KLC3: variants seen among roughly 807,000 people sequenced by gnomAD.
The protein encoded by KLC3 is kinesin light chain 3, also known as kinesin light chain 2.
A neutral mutation model predicts 62.9 loss-of-function variants in KLC3; 72 were observed. The ratio of observed to expected loss-of-function variants is 1.15; its 90% CI spans 0.95 to 1.39. The LOEUF is 1.39. Ranked by LOEUF, KLC3 falls within the 40% of genes most tolerant of loss-of-function variation. The pLI is 0.00. For synonymous variants in KLC3, 377 were observed against 300.5 expected (o/e 1.25, Z -2.63); for missense variants, 848 against 691.6 (o/e 1.23, Z -2.54).
chr19:45,348,103 C>T lies in KLC3; in HGVS notation c.722C>T (p.Ser241Leu), dbSNP rs143111353. The T allele has an allele frequency of 4.0e-4, 643 of 1,602,052 alleles. 15 individuals are homozygous for T. In the South Asian group the frequency reaches 6.1e-3, roughly 15 times the overall value. Reference sequence around the variant, plus strand: ...GCCTTGGAGGACCTGGAGCGCAGCTCGGGCCACTGCCACCCTGACGTGGCC... The same window carrying T: ...GCCTTGGAGGACCTGGAGCGCAGCTTGGGCCACTGCCACCCTGACGTGGCC... ...RQALEDLERS[S>L]GHCHPDVATM... The change falls in exon 5 of 13, where the codon TCG becomes TTG. Residue 241 changes from serine (S) to leucine (L), a missense_variant. Transcript: ENST00000391946.
At position 45,345,706 on chromosome 19, in the gene KLC3, G is replaced by C. The variant is rs1971474740; in HGVS notation, c.165G>C (p.Gln55His). The C allele has an allele frequency of 6.4e-7, 1 of 1,567,336 alleles. No individual in the cohort carries two copies. Among genetic ancestry groups the C allele is most frequent in the East Asian group, 2.4e-5 (1 of 42,544 alleles). ...AGHLAEALAG[Q>H]GPAAGLEMLE... ...ACCTGGCGGAGGCCCTGGCGGGACA[G>C]GGCCCGGCAGCCGGCTTGGAGATGC... The change falls in exon 2 of 13, where the codon CAG becomes CAC. Residue 55 changes from glutamine to histidine, a missense_variant. Gln to His is a conservative substitution (Grantham distance 24). Coordinates refer to ENST00000391946, the MANE Select transcript of KLC3 (RefSeq NM_177417.3).
In KLC3 at chr19:45,350,677, G is replaced by C. The variant is rs994103837; in HGVS notation, c.1309G>C (p.Glu437Gln). The C allele has an allele frequency of 6.2e-7, 1 of 1,613,774 alleles. No individual in the cohort carries two copies. The highest frequency in any genetic ancestry group is 1.3e-5 in the African/African-American group (1 of 74,894). The change falls in exon 11 of 13, where the codon GAG becomes CAG. Residue 437 changes from glutamate to glutamine, a missense_variant. Physicochemically the swap from Glu to Gln is conservative, Grantham distance 29. Transcript: ENST00000391946. ...CAGCAGCTCACTCTCCAAGATCCGT[G>C]AGTCTATCAGGCGAGGAAGTGAGAA... ...RRSSSLSKIR[E>Q]SIRRGSEKLV...
intron 8 of KLC3, chr19:45,350,036 C>T (rs1971644966): frequency 2.2e-6 from 1 of 459,064 alleles, no homozygotes; most frequent in Non-Finnish European, 3.9e-6. Context: ...GCCTGTCCTC[C>T]ATCCCCAGGG....
At chr19:45,341,186 T>TTG (rs113240301) in intron 1 of KLC3, among the ~76,000 whole-genome samples, 39,462 of 111,360 alleles carry the variant, frequency 0.35, 5,986 homozygotes, top group South Asian at 0.44. Context: ...CTGCCTGTGT[T>TTG]TGTGTGTGTG....
Position 45,350,671 on chromosome 19 carries a change from A to C in KLC3, c.1303A>C (p.Ile435Leu). The change falls in exon 11 of 13, where the codon ATC becomes CTC. Residue 435 changes from isoleucine to leucine, a missense_variant. Transcript: ENST00000391946. The stretch of plus-strand genomic sequence containing the variant: ...TCGCCGCAGCAGCTCACTCTCCAAG[A>C]TCCGTGAGTCTATCAGGCGAGGAAG... The part of the protein sequence containing the change: ...ALRRSSSLSK[I>L]RESIRRGSEK... The C allele has an allele frequency of 6.2e-7, 1 of 1,613,664 alleles. No individual in the cohort carries two copies. Among genetic ancestry groups the C allele is most frequent in the Non-Finnish European group, 8.5e-7 (1 of 1,179,874 alleles).
intron 1 of KLC3, among the ~76,000 whole-genome samples, chr19:45,341,554 G>GGTGTGTGT (rs773352088): frequency 0.026 from 3,686 of 144,044 alleles, 85 homozygotes; most frequent in Middle Eastern, 0.086. Context: ...TCTGCCTGTT[G>GGTGTGTGT]GTGTGTGTGT....
Position 45,350,753 on chromosome 19 carries a change from T to C in KLC3, c.1379+6T>C, listed in dbSNP as rs766373207. On this transcript the variant is annotated splice_donor_region_variant and intron_variant, in intron 11 of 12. Coordinates refer to ENST00000391946, the MANE Select transcript of KLC3 (RefSeq NM_177417.3). ...GCGGCGGCAGGAGCAGCCGGGTGAG[T>C]GTTGATCAGGTCGGCAAAGAGCCCT... is the stretch of plus-strand genomic sequence containing the variant. The C allele has an allele frequency of 6.2e-7, 1 of 1,607,046 alleles. No homozygotes were observed. The highest frequency in any genetic ancestry group is 8.5e-7 in the Non-Finnish European group (1 of 1,177,120).
At position 45,350,373 on chromosome 19, in the gene KLC3, A is replaced by G; in HGVS notation, c.1176A>G (p.Gln392=). 1 of 1,613,700 alleles carries G rather than the reference A, an allele frequency of 6.2e-7. No homozygotes were observed. Among genetic ancestry groups the G allele is most frequent in the Non-Finnish European group, 8.5e-7 (1 of 1,179,944 alleles). ...CCTACCTGAAACAGAACAAGTATCAACAAGCGGAAGAGCTGTACAAAGAAA... is the reference window on the plus strand; with the variant it reads ...CCTACCTGAAACAGAACAAGTATCAGCAAGCGGAAGAGCTGTACAAAGAAA... ...ASAYLKQNKY[Q]QAEELYKEIL... Residue 392 remains glutamine, a synonymous_variant, in exon 9 of 13, where the codon CAA becomes CAG. Transcript: ENST00000391946.
intron 1 of KLC3, among the ~76,000 whole-genome samples, chr19:45,341,182 G>GCC (rs1223586416): frequency 4.5e-5 from 5 of 110,152 alleles, no homozygotes; most frequent in African/African-American, 1.7e-4. Flanking sequence ...CTGCCTGCCT[G>GCC]TGTTTGTGTG....
At chr19:45,341,569 G>GTT (rs1294368123) in intron 1 of KLC3, among the ~76,000 whole-genome samples, 1 of 140,136 alleles carries the variant, frequency 7.1e-6, no homozygotes, top group Non-Finnish European at 1.6e-5. Context: ...GTGTGTGTGT[G>GTT]TGTGTGTGTG....
At position 45,350,747 on chromosome 19, in the gene KLC3, G is replaced by T. The variant is rs776705760; in HGVS notation, c.1379G>T (p.Gly460Val). The change falls in exon 11 of 13, where the codon GGA (glycine) becomes GTA (valine). Residue 460 changes from glycine (G) to valine (V), a missense_variant and splice_region_variant. By Grantham distance (109) the Gly-to-Val change is moderately radical. Coordinates refer to ENST00000391946, the MANE Select transcript of KLC3 (RefSeq NM_177417.3). Reference protein sequence around the residue: ...LRGEAAAGAAGMKRAMSLNTL... With the variant: ...LRGEAAAGAAVMKRAMSLNTL... ...GGCGAGGCGGCGGCAGGAGCAGCCG[G>T]GTGAGTGTTGATCAGGTCGGCAAAG... The T allele has an allele frequency of 6.2e-7, 1 of 1,608,950 alleles. No individual in the cohort carries two copies. The highest frequency in any genetic ancestry group is 1.1e-5 in the South Asian group (1 of 90,362).
chr19:45,347,507 G>A lies in KLC3; in HGVS notation c.550G>A (p.Glu184Lys). The A allele has an allele frequency of 1.2e-6, 2 of 1,612,424 alleles. No homozygotes were observed. The highest frequency in any genetic ancestry group is 1.7e-5 in the Admixed American group (1 of 59,686). ...CTCCCTGTTCCCCAGCGAGGAGGAG[G>A]AGAGGAAAGGTGGGTGTTGGGAGTA... ...LASLFPSEEE[E>K]RKGPEAAGAA... The change falls in exon 4 of 13, where the codon GAG becomes AAG. Residue 184 changes from glutamate to lysine, a missense_variant. Coordinates refer to ENST00000391946, the MANE Select transcript of KLC3 (RefSeq NM_177417.3).
rs372437894 is a variant in KLC3, at chr19:45,348,913, C to T, written c.961C>T (p.Arg321Ter). 3.5e-5 allele frequency: 55 copies of T among 1,578,516 alleles called. No individual in the cohort carries two copies. Among genetic ancestry groups the T allele is most frequent in the African/African-American group, 2.7e-4 (20 of 74,390 alleles). ...CCTGTGCCAGCGCGCTTTGGAGATCCGAGAGAAGGTCCCATCCCCCTCACC... is the reference window on the plus strand; with the variant it reads ...CCTGTGCCAGCGCGCTTTGGAGATCTGAGAGAAGGTCCCATCCCCCTCACC... ...EPLCQRALEI[R>*]EKVLGADHPD... is the part of the protein sequence containing the mutation. The change falls in exon 7 of 13, where the codon CGA becomes TGA. Residue 321 changes from arginine (R) to a stop codon, truncating the protein, a stop_gained. Transcript: ENST00000391946. LOFTEE classifies it high-confidence loss of function.
intron 9 of KLC3, 34 bp from the exon 10 acceptor site, chr19:45,350,480 T>TCCCCATCTCAGTGTC: frequency 6.2e-7 from 1 of 1,613,144 alleles, no homozygotes; most frequent in Non-Finnish European, 8.5e-7. Context: ...CTTCTCTATG[T>TCCCCATCTCAGTGTC]CCCCATCTCA....
At chr19:45,346,993 C>A (rs927736895) in intron 3 of KLC3, 4 of 520,966 alleles carry the variant, frequency 7.7e-6, no homozygotes, top group African/African-American at 2.0e-5. Context: ...ACGAAGCCCC[C>A]GAGCCTCGCC....
intron 2 of KLC3, 84 bp downstream of exon 2, chr19:45,345,883 G>T: frequency 7.8e-7 from 1 of 1,274,286 alleles, no homozygotes; most frequent in Non-Finnish European, 9.9e-7. Context: ...AGGTATGTAG[G>T]GGACTGGGAG....
Position 45,345,547 on chromosome 19 carries a change from T to G in KLC3, c.6T>G (p.Ser2=). 6.4e-7 allele frequency: 1 copy of G among 1,564,786 alleles called. No individual in the cohort carries two copies. The highest frequency in any genetic ancestry group is 2.4e-5 in the East Asian group (1 of 42,242). M[S]VQVAAPGSAG... ...ATTGCTCCCCAGGAGCAGCAATGTC[T>G]GTGCAGGTAGCGGCTCCTGGAAGTG... The change falls in exon 2 of 13, where the codon TCT becomes TCG. Residue 2 remains serine (S), a synonymous_variant. Transcript: ENST00000391946.
chr19:45,349,252 A>C (rs1180676698), intron 7 of KLC3, among the ~76,000 whole-genome samples, 177 bp from the exon 8 acceptor site: 1 of 151,686 alleles, frequency 6.6e-6, no homozygotes, highest in Non-Finnish European at 1.5e-5. Flanking sequence ...GACCACCATG[A>C]CCTCTGACCT....
Position 45,350,699 on chromosome 19 carries a change from A to G in KLC3, c.1331A>G (p.Glu444Gly), listed in dbSNP as rs749876174. The G allele has an allele frequency of 6.2e-6, 10 of 1,613,618 alleles. No homozygotes were observed. The South Asian group carries it at 9.9e-5, about 16-fold the overall frequency. The change falls in exon 11 of 13, where the codon GAG becomes GGG. Residue 444 changes from glutamate to glycine, a missense_variant. Glu to Gly is a moderately conservative substitution (Grantham distance 98). Transcript: ENST00000391946. ...CGTGAGTCTATCAGGCGAGGAAGTG[A>G]GAAGCTGGTCTCCCGGCTCCGAGGC... is the stretch of plus-strand genomic sequence containing the variant. ...KIRESIRRGS[E>G]KLVSRLRGEA... is the part of the protein sequence containing the mutation.
Sources: gnomAD v4.1 joint callset for allele counts (sites outside exome capture counted in the v4.1 genomes callset) on GRCh38, gnomAD v4.1.1 for gene constraint, MANE v1.5 for transcripts, NCBI Gene and HGNC (gene_info 2026-07-23, HGNC 2026-07-21) for gene names.